CKLF: variants seen among roughly 807,000 people sequenced by gnomAD.
CKLF encodes the protein chemokine-like factor.
A neutral mutation model predicts 12.9 loss-of-function variants in CKLF; 16 were observed. That is an observed-to-expected ratio of 1.24 (90% CI 0.84 to 1.88). The LOEUF (loss-of-function observed/expected upper bound fraction) is 1.88, where lower values mean the gene tolerates loss of function less well. Ranked by LOEUF, CKLF falls within the 40% of genes most tolerant of loss-of-function variation. The probability of loss-of-function intolerance (pLI) is 0.00; values close to 1 mark genes in which losing one functional copy is unlikely to be tolerated. For synonymous variants in CKLF, 61 were observed against 69.0 expected, an observed-to-expected ratio of 0.88 and a Z score of 0.57; for missense variants, 172 against 188.5, an observed-to-expected ratio of 0.91 and a Z score of 0.51.
chr16:66,553,366 C>T (rs544067640), intron 1 of CKLF: 1 of 152,054 alleles, frequency 6.6e-6, no homozygotes, highest in East Asian at 1.9e-4. Context: ...GTGAGACAGA[C>T]GTTTGATGTG....
intron 2 of CKLF, among the ~76,000 whole-genome samples, chr16:66,559,977 C>T (rs559219266): frequency 2.4e-4 from 36 of 152,234 alleles, no homozygotes; most frequent in African/African-American, 6.7e-4. Flanking sequence ...ACTTTAAATG[C>T]ACCCAGGAAG....
chr16:66,563,718 A>G (rs779927142), intron 3 of CKLF, among the ~76,000 whole-genome samples: 13 of 152,226 alleles, frequency 8.5e-5, no homozygotes, highest in Non-Finnish European at 8.8e-5. Context: ...GGCACCTTGC[A>G]ACTAAAGGAT....
intron 1 of CKLF, among the ~76,000 whole-genome samples, chr16:66,554,993 T>C (rs184346851): frequency 6.6e-6 from 1 of 152,142 alleles, no homozygotes; most frequent in Non-Finnish European, 1.5e-5. Flanking sequence ...CCCAGCACTT[T>C]AGGAGGCCAA....
In CKLF at chr16:66,552,654, C is replaced by G. The variant is rs546017382; in HGVS notation, c.-62C>G. On this transcript the variant is annotated 5_prime_UTR_variant, in exon 1 of 4. Coordinates refer to ENST00000264001, the MANE Select transcript of CKLF (RefSeq NM_016951.4). ...GGCGGTTGCTATCGCTTCGCAGAAC[C>G]TACTCAGGCAGCCAGCTGAGAAGAG... 4.3e-6 allele frequency: 7 copies of G among 1,612,648 alleles called. No homozygotes were observed. Among genetic ancestry groups the G allele is most frequent in the South Asian group, 1.1e-5 (1 of 91,052 alleles).
chr16:66,558,425 T>G, intron 2 of CKLF, 77 bp downstream of exon 2: 1 of 1,537,444 alleles, frequency 6.5e-7, no homozygotes, highest in East Asian at 2.2e-5. Flanking sequence ...TGTTTTTTGC[T>G]TCTCTTAAAC....
chr16:66,561,821 G>A (rs2011745235), intron 2 of CKLF, among the ~76,000 whole-genome samples: 1 of 152,036 alleles, frequency 6.6e-6, no homozygotes, highest in Non-Finnish European at 1.5e-5. Flanking sequence ...TCCTGCCTGT[G>A]GTTATCTGCA....
At chr16:66,565,198 T>C (rs554038609) in intron 3 of CKLF, among the ~76,000 whole-genome samples, 1 of 152,240 alleles carries the variant, frequency 6.6e-6, no homozygotes, top group South Asian at 2.1e-4. Context: ...GAAGCCAAAC[T>C]TCCTGATGAC....
At chr16:66,560,575 G>A (rs796333035) in intron 2 of CKLF, among the ~76,000 whole-genome samples, 3 of 152,060 alleles carry the variant, frequency 2.0e-5, no homozygotes, top group African/African-American at 7.2e-5. Flanking sequence ...TAGAGCTGCC[G>A]TTTTAGGAAT....
intron 1 of CKLF, among the ~76,000 whole-genome samples, chr16:66,555,372 G>C (rs1434637823): frequency 6.6e-6 from 1 of 152,222 alleles, no homozygotes; most frequent in Non-Finnish European, 1.5e-5. Context: ...GATGATGGTG[G>C]CTGGTGGTAG....
chr16:66,559,072 C>G (rs1330619461), intron 2 of CKLF, among the ~76,000 whole-genome samples: 1 of 152,154 alleles, frequency 6.6e-6, no homozygotes, highest in Non-Finnish European at 1.5e-5. Context: ...TCATTCCCAG[C>G]ATCCTGTCTC....
chr16:66,552,788 C>T lies in CKLF; in HGVS notation c.73C>T (p.Arg25Trp), dbSNP rs761403298. The T allele has an allele frequency of 8.1e-6, 13 of 1,613,878 alleles. No individual in the cohort carries two copies. Among genetic ancestry groups the T allele is most frequent in the Non-Finnish European group, 1.0e-5 (12 of 1,179,920 alleles). Residue 25 changes from arginine (R) to tryptophan (W), a missense_variant, in exon 1 of 4, where the codon CGG becomes TGG. Physicochemically the swap from Arg to Trp is moderately radical, Grantham distance 101 (BLOSUM62 -3). Coordinates refer to ENST00000264001, the MANE Select transcript of CKLF (RefSeq NM_016951.4). ...TGTGAAAGGCCACGTGAAGATGCTG[C>T]GGCTGGTGAGGCCGGGCCGCGGAGG... ...FSVKGHVKML[R>W]LALTVTSMTF...
At chr16:66,553,683 G>A (rs1198964236) in intron 1 of CKLF, among the ~76,000 whole-genome samples, 1 of 152,198 alleles carries the variant, frequency 6.6e-6, no homozygotes, top group Non-Finnish European at 1.5e-5. Flanking sequence ...AAAGTTACAA[G>A]GAAAACATTT....
intron 1 of CKLF, among the ~76,000 whole-genome samples, chr16:66,555,950 T>C (rs2011433071): frequency 6.6e-6 from 1 of 151,844 alleles, no homozygotes; most frequent in African/African-American, 2.4e-5. Context: ...GTACCACCAG[T>C]TGAGGTTGTG....
At chr16:66,555,740 G>A (rs180877734) in intron 1 of CKLF, among the ~76,000 whole-genome samples, 5 of 152,304 alleles carry the variant, frequency 3.3e-5, no homozygotes, top group South Asian at 2.1e-4. Flanking sequence ...GAAGAAATGC[G>A]TAAACAAATT....
Position 66,552,766 on chromosome 16 carries a change from G to A in CKLF, c.51G>A (p.Val17=). The change falls in exon 1 of 4, where the codon GTG becomes GTA. Residue 17 remains valine, a synonymous_variant. Transcript: ENST00000264001. ...KIKHRPFCFS[V]KGHVKMLRLA... is the part of the protein sequence containing the mutation. ...AACATCGCCCCTTCTGCTTCAGTGT[G>A]AAAGGCCACGTGAAGATGCTGCGGC... The A allele has an allele frequency of 1.9e-6, 3 of 1,614,116 alleles. No homozygotes were observed. Among genetic ancestry groups the A allele is most frequent in the Non-Finnish European group, 2.5e-6 (3 of 1,179,972 alleles).
At chr16:66,562,921 C>A (rs1281255656) in intron 2 of CKLF, among the ~76,000 whole-genome samples, 1 of 152,154 alleles carries the variant, frequency 6.6e-6, no homozygotes, top group African/African-American at 2.4e-5. Context: ...GGGGTTTCAC[C>A]ATGTCGGCCA....
chr16:66,562,960 G>T, intron 2 of CKLF, 162 bp from the exon 3 acceptor site: 1 of 755,204 alleles, frequency 1.3e-6, no homozygotes, highest in Admixed American at 2.4e-5. Context: ...GGCTTCAAGT[G>T]ATCTGTCTGC....
In CKLF at chr16:66,552,741, A is replaced by T; in HGVS notation, c.26A>T (p.Lys9Ile). 2 of 1,614,164 alleles carry T rather than the reference A, an allele frequency of 1.2e-6. No homozygotes were observed. Among genetic ancestry groups the T allele is most frequent in the South Asian group, 2.2e-5 (2 of 91,082 alleles). ...ATGGATAACGTGCAGCCGAAAATAA[A>T]ACATCGCCCCTTCTGCTTCAGTGTG... MDNVQPKI[K>I]HRPFCFSVKG... Residue 9 changes from lysine (K) to isoleucine (I), a missense_variant, in exon 1 of 4, where the codon AAA (lysine) becomes ATA (isoleucine). Transcript: ENST00000264001.
At chr16:66,565,840 G>A (rs779444474) in intron 3 of CKLF, 46 bp from the exon 4 acceptor site, 1 of 1,589,316 alleles carries the variant, frequency 6.3e-7, no homozygotes, top group East Asian at 2.2e-5. Context: ...TGAATGACAG[G>A]AGTGGGGACC....
Sources: gnomAD v4.1 joint callset for allele counts (sites outside exome capture counted in the v4.1 genomes callset) on GRCh38, gnomAD v4.1.1 for gene constraint, MANE v1.5 for transcripts, NCBI Gene and HGNC (gene_info 2026-07-23, HGNC 2026-07-21) for gene names.